The following KCNMB4 variants were observed in gnomAD, a reference collection of about 807,000 sequenced individuals.
KCNMB4 encodes the protein calcium-activated potassium channel subunit beta-4.
A neutral mutation model predicts 20.7 loss-of-function variants in KCNMB4; 3 were observed. The ratio of observed to expected loss-of-function variants is 0.14; its 90% CI spans 0.07 to 0.37. The LOEUF (loss-of-function observed/expected upper bound fraction) is 0.37, where lower values mean the gene tolerates loss of function less well. KCNMB4 is among the 10% of genes least tolerant of loss of function. The pLI, the probability that KCNMB4 is intolerant of heterozygous loss-of-function variation, is 1.00. For missense variants in KCNMB4, 168 were observed against 265.9 expected (o/e 0.63, Z 2.56); for synonymous variants, 110 against 113.4 (o/e 0.97, Z 0.19).
At chr12:70,396,815 C>T (rs1295660566) in intron 1 of KCNMB4, among the ~76,000 whole-genome samples, 1 of 152,152 alleles carries the variant, frequency 6.6e-6, no homozygotes. Context: ...CCTCGAAAAC[C>T]ACCAGGCTTG....
intron 2 of KCNMB4, among the ~76,000 whole-genome samples, chr12:70,412,946 C>T (rs1341621849): frequency 6.6e-6 from 1 of 152,138 alleles, no homozygotes; most frequent in Non-Finnish European, 1.5e-5. Context: ...AGACATTAAA[C>T]CCAATGATAT....
At chr12:70,388,713 C>T (rs1003837151) in intron 1 of KCNMB4, among the ~76,000 whole-genome samples, 1 of 152,072 alleles carries the variant, frequency 6.6e-6, no homozygotes, top group Non-Finnish European at 1.5e-5. Context: ...TGCCTCAGTT[C>T]CCTCACCTGT....
At chr12:70,412,603 A>G (rs1348680942) in intron 2 of KCNMB4, among the ~76,000 whole-genome samples, 3 of 152,234 alleles carry the variant, frequency 2.0e-5, no homozygotes, top group Non-Finnish European at 2.9e-5. Flanking sequence ...ATATATTTAT[A>G]TGTTGAATTT....
At chr12:70,384,005 G>T (rs1178872232) in intron 1 of KCNMB4, among the ~76,000 whole-genome samples, 1 of 152,176 alleles carries the variant, frequency 6.6e-6, no homozygotes, top group Non-Finnish European at 1.5e-5. Context: ...GGGGGCAGAA[G>T]TTGCAGTGAG....
chr12:70,406,537 A>C (rs984036597), intron 2 of KCNMB4, among the ~76,000 whole-genome samples: 1 of 152,188 alleles, frequency 6.6e-6, no homozygotes, highest in Admixed American at 6.5e-5. Flanking sequence ...TTTTTCTGTG[A>C]GGTGGGACTC....
intron 2 of KCNMB4, among the ~76,000 whole-genome samples, chr12:70,425,941 C>G (rs1869200763): frequency 6.6e-6 from 1 of 152,094 alleles, no homozygotes; most frequent in African/African-American, 2.4e-5. Context: ...GAGTTCAAGA[C>G]CAGCCTGGGC....
At position 70,366,980 on chromosome 12, in the gene KCNMB4, C is replaced by G; in HGVS notation, c.246C>G (p.Tyr82Ter). The G allele has an allele frequency of 6.2e-7, 1 of 1,608,080 alleles. No individual in the cohort carries two copies. The highest frequency in any genetic ancestry group is 8.5e-7 in the Non-Finnish European group (1 of 1,177,250). ...CCGACTGCAGGGGCACCTCGCAGTA[C>G]CCCTGCGTCCAGGTCTACGTGAACA... ...CGADCRGTSQ[Y>*]PCVQVYVNNS... Residue 82 changes from tyrosine to a stop codon, truncating the protein, a stop_gained, in exon 1 of 3, where the codon TAC (tyrosine) becomes TAG (stop). Transcript: ENST00000258111. LOFTEE classifies it high-confidence loss of function.
intron 1 of KCNMB4, among the ~76,000 whole-genome samples, chr12:70,375,277 C>T (rs1883665106): frequency 6.6e-6 from 1 of 151,986 alleles, no homozygotes; most frequent in South Asian, 2.1e-4. Flanking sequence ...TTCCTCCAAA[C>T]CGGTGGTTTT....
intron 1 of KCNMB4, among the ~76,000 whole-genome samples, chr12:70,381,514 T>C (rs1440382384): frequency 1.3e-5 from 2 of 152,182 alleles, no homozygotes; most frequent in East Asian, 1.9e-4. Context: ...AAATGAAATA[T>C]GCTAATTCAT....
chr12:70,430,874 T>C lies in KCNMB4; in HGVS notation c.*221T>C. ...TAGCAATGGCTAAAGGGTCAAGATC[T>C]TAGCTGTATGGAGTAACTATTTCAG... On this transcript the variant is annotated 3_prime_UTR_variant, in exon 3 of 3. Transcript: ENST00000258111. 2.2e-6 allele frequency: 1 copy of C among 464,668 alleles called. No individual in the cohort carries two copies. The highest frequency in any genetic ancestry group is 3.7e-6 in the Non-Finnish European group (1 of 266,770). 28.8% of individuals were successfully genotyped at this position (464,668 alleles called of 1,614,324 possible).
chr12:70,372,265 C>A (rs1565852546), intron 1 of KCNMB4, among the ~76,000 whole-genome samples: 1 of 152,112 alleles, frequency 6.6e-6, no homozygotes, highest in Non-Finnish European at 1.5e-5. Context: ...GATTTTATTC[C>A]AAGCATGATG....
chr12:70,409,810 A>G (rs1868718655), intron 2 of KCNMB4, among the ~76,000 whole-genome samples: 1 of 152,206 alleles, frequency 6.6e-6, no homozygotes, highest in Non-Finnish European at 1.5e-5. Flanking sequence ...TGCAGCAAAA[A>G]AGAGCTTGGT....
intron 1 of KCNMB4, among the ~76,000 whole-genome samples, chr12:70,399,958 A>G (rs1354004693): frequency 6.6e-6 from 1 of 152,212 alleles, no homozygotes; most frequent in Non-Finnish European, 1.5e-5. Context: ...CTAATAGTTT[A>G]TAAAATACCC....
intron 2 of KCNMB4, chr12:70,422,960 C>T: frequency 2.0e-6 from 1 of 500,862 alleles, no homozygotes; most frequent in Non-Finnish European, 2.8e-6. Flanking sequence ...CACTGGGCTG[C>T]ATCTGAAGGG....
chr12:70,377,683 A>C (rs1593322647), intron 1 of KCNMB4, among the ~76,000 whole-genome samples: 1 of 152,200 alleles, frequency 6.6e-6, no homozygotes, highest in African/African-American at 2.4e-5. Context: ...CTTACAGTAG[A>C]ACTCCTTTCA....
chr12:70,408,751 T>A (rs1183788032), intron 2 of KCNMB4, among the ~76,000 whole-genome samples: 1 of 152,172 alleles, frequency 6.6e-6, no homozygotes, highest in African/African-American at 2.4e-5. Context: ...TCAGTCTCCT[T>A]CCAAAATGTG....
At chr12:70,400,456 G>A (rs779637282) in intron 2 of KCNMB4, 120 bp downstream of exon 2, 25 of 1,003,496 alleles carry the variant, frequency 2.5e-5, no homozygotes, top group South Asian at 2.0e-4. Flanking sequence ...TCTTCTTTGC[G>A]TGTAATTAGG....
Position 70,432,030 on chromosome 12 carries a change from CTTTTT to C in KCNMB4, c.*1391_*1395del. On this transcript the variant is annotated 3_prime_UTR_variant, in exon 3 of 3. Transcript: ENST00000258111. ...TCCACATACCAATGTTTTCTTTTTT[CTTTTT>C]TTTTTTTTTTTTTGAGATGGTGTCT... 2 of 127,362 alleles carry C rather than the reference CTTTTT, an allele frequency of 1.6e-5. No homozygotes were observed. The highest frequency in any genetic ancestry group is 3.3e-5 in the Non-Finnish European group (2 of 60,098). 7.9% of individuals were successfully genotyped at this position (127,362 alleles called of 1,614,324 possible). A position where few individuals can be genotyped will look rare whatever the true frequency, so the allele number is the denominator to read the frequency against.
intron 2 of KCNMB4, among the ~76,000 whole-genome samples, chr12:70,423,763 C>G (rs1869133343): frequency 6.6e-6 from 1 of 152,188 alleles, no homozygotes; most frequent in Non-Finnish European, 1.5e-5. Flanking sequence ...GCATGAACCA[C>G]TGTGCATGGC....
Sources: gnomAD v4.1 joint callset for allele counts (sites outside exome capture counted in the v4.1 genomes callset) on GRCh38, gnomAD v4.1.1 for gene constraint, MANE v1.5 for transcripts, NCBI Gene and HGNC (gene_info 2026-07-23, HGNC 2026-07-21) for gene names.